Variants in AKNA observed in about 807,000 individuals in gnomAD.
The protein encoded by AKNA is AT-hook transcription factor.
Under a neutral mutation model 138.8 loss-of-function variants are expected in AKNA, and 67 were observed. The observed-to-expected ratio is 0.48, with a 90% confidence interval of 0.40 to 0.59. AKNA has a LOEUF of 0.59. Among genes scored for constraint, AKNA ranks in the 20% least tolerant of loss-of-function variants. AKNA has a pLI of 0.00. For missense variants in AKNA, 1,813 were observed against 1,880.4 expected, an observed-to-expected ratio of 0.96 and a Z score of 0.66; for synonymous variants, 737 against 754.4, an observed-to-expected ratio of 0.98 and a Z score of 0.38.
At chr9:114,342,645 C>T (rs1830433112) in intron 19 of AKNA, among the ~76,000 whole-genome samples, 2 of 152,186 alleles carry the variant, frequency 1.3e-5, no homozygotes, top group Admixed American at 6.5e-5. Flanking sequence ...TTCCCACATA[C>T]ATCCCCAATG....
rs1833664687 is a variant in AKNA, at chr9:114,381,409, C to T, written c.-76G>A. On this transcript the variant is annotated 5_prime_UTR_variant, in exon 2 of 22. Transcript: ENST00000374088. ...CTGCTGCCAGGGGCCCCAGAGTCAC[C>T]GCTGGTTCCTGTCAGCATCGGCCAT... 2.8e-5 allele frequency: 40 copies of T among 1,449,428 alleles called. No homozygotes were observed. The highest frequency in any genetic ancestry group is 3.1e-5 in the Non-Finnish European group (34 of 1,104,994). 89.8% of individuals were successfully genotyped at this position (1,449,428 alleles called of 1,614,324 possible).
At chr9:114,367,511 T>G in intron 6 of AKNA, 32 bp downstream of exon 6, 1 of 1,608,014 alleles carries the variant, frequency 6.2e-7, no homozygotes, top group Non-Finnish European at 8.5e-7. Flanking sequence ...GTGAGTTAAG[T>G]CTCTCGGGGG....
At position 114,374,132 on chromosome 9, in the gene AKNA, C is replaced by T; in HGVS notation, c.1377G>A (p.Glu459=). The T allele has an allele frequency of 1.3e-6, 2 of 1,559,628 alleles. No individual in the cohort carries two copies. The highest frequency in any genetic ancestry group is 2.4e-5 in the South Asian group (2 of 84,616). The change falls in exon 4 of 22, where the codon GAG becomes GAA. Residue 459 remains glutamate (E), a synonymous_variant. Coordinates refer to ENST00000374088, the MANE Select transcript of AKNA (RefSeq NM_001317950.2). ...GTAGCTGGTCAATGGTGTTCTCGGC[C>T]TCAGCGTACTTGGTGAGGAGCCTGT... The part of the protein sequence containing the change: ...DYHRLLTKYA[E]AENTIDQLRL...
At chr9:114,347,650 A>G in intron 16 of AKNA, 74 bp downstream of exon 16, 1 of 1,414,172 alleles carries the variant, frequency 7.1e-7, no homozygotes. Context: ...ATGTCTGGGG[A>G]GAGCCAGAGG....
chr9:114,368,459 G>C lies in AKNA; in HGVS notation c.1553C>G (p.Pro518Arg), dbSNP rs780905946. The C allele has an allele frequency of 1.5e-6, 2 of 1,330,400 alleles. No homozygotes were observed. Among genetic ancestry groups the C allele is most frequent in the East Asian group, 5.6e-5 (2 of 35,834 alleles). The allele number at this position is 1,330,400 out of a possible 1,614,324, so 82.4% of individuals were successfully genotyped here. Reference protein sequence around the residue: ...AEWWPGPAEDPQASAASGWPS... With the variant: ...AEWWPGPAEDRQASAASGWPS... ...CTCACCTGAGGCCGCAGAGGCCTGG[G>C]GGTCCTCGGCCGGGCCCGGCCACCA... The change falls in exon 5 of 22, where the codon CCC becomes CGC. Residue 518 changes from proline (P) to arginine (R), a missense_variant. Pro to Arg is a moderately radical substitution (Grantham distance 103). Coordinates refer to ENST00000374088, the MANE Select transcript of AKNA (RefSeq NM_001317950.2).
rs1375737058 is a variant in AKNA, at chr9:114,345,882, G to A, written c.3642C>T (p.Thr1214=). Reference sequence around the variant, plus strand: ...ACCTACCTGTGTATTGGCCCCGGAAGGTGACCCTGTCTGGCCATCCAGCAC... The same window carrying A: ...ACCTACCTGTGTATTGGCCCCGGAAAGTGACCCTGTCTGGCCATCCAGCAC... ...VGSAGWPDRV[T]FRGQYTGHEY... Residue 1214 remains threonine (T), a synonymous_variant, in exon 18 of 22, where the codon ACC becomes ACT. Transcript: ENST00000374088. 8.1e-6 allele frequency: 13 copies of A among 1,614,012 alleles called. No individual in the cohort carries two copies. The highest frequency in any genetic ancestry group is 6.7e-5 in the Admixed American group (4 of 60,002).
At chr9:114,363,481 T>A (rs1334642927) in intron 7 of AKNA, among the ~76,000 whole-genome samples, 1 of 152,194 alleles carries the variant, frequency 6.6e-6, no homozygotes, top group African/African-American at 2.4e-5. Flanking sequence ...GTTTATAAGG[T>A]CCTTGGTCAT....
In AKNA at chr9:114,381,438, G is replaced by A. The variant is rs111700326; in HGVS notation, c.-105C>T. The A allele has an allele frequency of 2.9e-5, 42 of 1,435,538 alleles. No individual in the cohort carries two copies. The African/African-American group carries it at 4.6e-4, about 16-fold the overall frequency. The allele number at this position is 1,435,538 out of a possible 1,614,324, so 88.9% of individuals were successfully genotyped here. A position where few individuals can be genotyped will look rare whatever the true frequency, so the allele number is the denominator to read the frequency against. On this transcript the variant is annotated 5_prime_UTR_variant, in exon 2 of 22. Transcript: ENST00000374088. Reference sequence around the variant, plus strand: ...GGTTCCTGTCAGCATCGGCCATCCTGCCTGTGCCCTGTCAGGGACACATTC... The same window carrying A: ...GGTTCCTGTCAGCATCGGCCATCCTACCTGTGCCCTGTCAGGGACACATTC...
chr9:114,352,663 C>T lies in AKNA; in HGVS notation c.3059-1642G>A, dbSNP rs186196362. The stretch of plus-strand genomic sequence containing the variant: ...ACCAGCTGGGCGTGGTGGCTCATGC[C>T]GGTAATCCCAGCACTTTGGGAGGCC... On this transcript the variant is annotated intron_variant, in intron 14 of 21. Transcript: ENST00000374088. Among the ~76,000 whole-genome samples the T allele has an allele frequency of 3.5e-4, 53 of 151,846 alleles. 1 individual carries two copies. The East Asian group carries it at 7.6e-3, about 22-fold the overall frequency.
intron 2 of AKNA, 56 bp downstream of exon 2, chr9:114,381,004 A>T: frequency 7.3e-7 from 1 of 1,364,066 alleles, no homozygotes; most frequent in South Asian, 1.7e-5. Context: ...AAAAAAAAGA[A>T]CGTGTGATGT....
Position 114,358,133 on chromosome 9 carries a change from G to C in AKNA, c.2527C>G (p.Pro843Ala). ...ATEKMVSMKPPGFQASLARDG... is the reference protein window; with the variant it reads ...ATEKMVSMKPAGFQASLARDG... ...CTAGCCAGGGATGCCTGGAAACCTGGTGGCTTCATAGATACCATCTTCTCC... is the reference window on the plus strand; with the variant it reads ...CTAGCCAGGGATGCCTGGAAACCTGCTGGCTTCATAGATACCATCTTCTCC... The change falls in exon 12 of 22, where the codon CCA (proline) becomes GCA (alanine). Residue 843 changes from proline to alanine, a missense_variant. By Grantham distance (27) the Pro-to-Ala change is conservative. Coordinates refer to ENST00000374088, the MANE Select transcript of AKNA (RefSeq NM_001317950.2). 2 of 1,614,210 alleles carry C rather than the reference G, an allele frequency of 1.2e-6. No individual in the cohort carries two copies. The highest frequency in any genetic ancestry group is 1.7e-6 in the Non-Finnish European group (2 of 1,180,022).
intron 20 of AKNA, 86 bp from the exon 21 acceptor site, chr9:114,341,811 C>A: frequency 7.0e-7 from 1 of 1,434,534 alleles, no homozygotes; most frequent in South Asian, 1.4e-5. Flanking sequence ...CAGCCCTTCC[C>A]CTATGAGAGC....
chr9:114,393,278 C>T (rs776448260), intron 1 of AKNA, among the ~76,000 whole-genome samples: 9 of 149,126 alleles, frequency 6.0e-5, no homozygotes, highest in South Asian at 4.2e-4. Flanking sequence ...GGCAGTGGCG[C>T]GATCTCAGCT....
downstream of AKNA, chr9:114,330,889 G>C: frequency 6.3e-7 from 1 of 1,599,294 alleles, no homozygotes; most frequent in African/African-American, 1.3e-5. Flanking sequence ...AGGCAGGAGG[G>C]TTCACCGTGG....
chr9:114,398,289 G>C (rs1834600762), upstream of AKNA, among the ~76,000 whole-genome samples: 1 of 152,130 alleles, frequency 6.6e-6, no homozygotes, highest in Admixed American at 6.5e-5. This position sits in a 1 kb window ranked among gnomAD's most constrained non-coding sequence, Gnocchi z 4.2. Context: ...GGGTTTCCAC[G>C]TGGAAAAGAC....
chr9:114,391,853 CAAAAAAAAAAAA>C (rs61158842), upstream of AKNA, among the ~76,000 whole-genome samples: 1 of 63,064 alleles, frequency 1.6e-5, no homozygotes, highest in Non-Finnish European at 2.8e-5. Context: ...GACTCTGTCT[CAAAAAAAAAAAA>C]AAAAAAAAAC....
chr9:114,375,121 T>C (rs1833074289), intron 3 of AKNA, among the ~76,000 whole-genome samples: 1 of 152,300 alleles, frequency 6.6e-6, no homozygotes, highest in East Asian at 1.9e-4. Flanking sequence ...GTGGAGCTCA[T>C]GGTCTGGAAG....
Position 114,367,623 on chromosome 9 carries a change from T to C in AKNA, c.1648A>G (p.Asn550Asp). The change falls in exon 6 of 22, where the codon AAC becomes GAC. Residue 550 changes from asparagine (N) to aspartate (D), a missense_variant. Coordinates refer to ENST00000374088, the MANE Select transcript of AKNA (RefSeq NM_001317950.2). ...GACTGGTCCTCAGAGATGTCCCGGT[T>C]CTCCGGAAGCCACCCCAGGGTGGGC... is the stretch of plus-strand genomic sequence containing the variant. ...SMPTLGWLPE[N>D]RDISEDQSSA... 1 of 1,606,618 alleles carries C rather than the reference T, an allele frequency of 6.2e-7. No homozygotes were observed. Among genetic ancestry groups the C allele is most frequent in the East Asian group, 2.2e-5 (1 of 44,536 alleles).
intron 21 of AKNA, among the ~76,000 whole-genome samples, chr9:114,338,936 G>A (rs965315248): frequency 2.0e-5 from 3 of 152,176 alleles, no homozygotes; most frequent in Non-Finnish European, 4.4e-5. Flanking sequence ...AGCAGCAGAT[G>A]CTGATAAAAT....
Sources: allele counts gnomAD v4.1 joint callset (sites outside exome capture counted in the v4.1 genomes callset), GRCh38; gene constraint gnomAD v4.1.1; non-coding constraint Gnocchi (gnomAD v3.1); transcripts MANE v1.5; gene names NCBI Gene and HGNC (gene_info 2026-07-23, HGNC 2026-07-21).